HMGN5: variants seen among roughly 807,000 people sequenced by gnomAD.
The protein encoded by HMGN5 is high mobility group nucleosome binding domain 5, also known as high mobility group nucleosome-binding domain-containing protein 5.
A neutral mutation model predicts 9.5 loss-of-function variants in HMGN5; 4 were observed. The observed-to-expected ratio is 0.42, with a 90% CI of 0.21 to 0.96. The LOEUF (loss-of-function observed/expected upper bound fraction) is 0.96, where lower values mean the gene tolerates loss of function less well. Ranked by LOEUF, HMGN5 falls within the 40% of genes least tolerant of loss-of-function variation. HMGN5 has a pLI of 0.30. For missense variants in HMGN5, 192 were observed against 187.5 expected (o/e 1.02, Z -0.14); for synonymous variants, 55 against 57.1 (o/e 0.96, Z 0.16).
chrX:81,166,370 G>A (rs1301485198), intron 1 of HMGN5, among the ~76,000 whole-genome samples: 1 of 111,377 alleles, frequency 9.0e-6, no homozygotes, highest in Non-Finnish European at 1.9e-5. Context: ...TACTACATAT[G>A]TATACTTTCT....
intron 1 of HMGN5, among the ~76,000 whole-genome samples, chrX:81,149,120 A>T (rs1446705589): frequency 2.7e-5 from 3 of 111,666 alleles, no homozygotes; most frequent in African/African-American, 9.8e-5. Flanking sequence ...CAGCAATCTC[A>T]TTACTAGGTA....
At chrX:81,156,748 T>C (rs2075384086) in intron 1 of HMGN5, among the ~76,000 whole-genome samples, 3 of 110,869 alleles carry the variant, frequency 2.7e-5, no homozygotes, top group Non-Finnish European at 5.7e-5. Context: ...TAATTATCTA[T>C]TTAATAACTG....
At chrX:81,139,867 G>A (rs1253991731) in intron 1 of HMGN5, among the ~76,000 whole-genome samples, 1 of 112,140 alleles carries the variant, frequency 8.9e-6, no homozygotes, top group African/African-American at 3.2e-5. Context: ...CCTCATCACG[G>A]AGGGCTCCAG....
chrX:81,183,273 T>C (rs896241708), intron 1 of HMGN5, among the ~76,000 whole-genome samples: 3 of 111,780 alleles, frequency 2.7e-5, no homozygotes, highest in Non-Finnish European at 3.8e-5. Flanking sequence ...CAAGTGCTGA[T>C]AGCCAAGACA....
chrX:81,189,535 C>T (rs755657764), intron 1 of HMGN5, among the ~76,000 whole-genome samples: 1 of 111,851 alleles, frequency 8.9e-6, no homozygotes, highest in Admixed American at 9.5e-5. Flanking sequence ...ATTTAAGTTT[C>T]CTCTATGTAT....
At chrX:81,124,483 T>C (rs994163802) in intron 1 of HMGN5, among the ~76,000 whole-genome samples, 2 of 112,558 alleles carry the variant, frequency 1.8e-5, no homozygotes, top group Non-Finnish European at 3.8e-5. Context: ...TGTTATACTA[T>C]ACAATTTAGA....
At chrX:81,187,814 A>T (rs992352269) in intron 1 of HMGN5, among the ~76,000 whole-genome samples, 7 of 107,550 alleles carry the variant, frequency 6.5e-5, no homozygotes, top group African/African-American at 2.4e-4. Flanking sequence ...ATTAAAGGTG[A>T]TTTTCTTTGA....
intron 1 of HMGN5, among the ~76,000 whole-genome samples, chrX:81,157,811 G>A (rs765280337): frequency 9.1e-6 from 1 of 109,797 alleles, no homozygotes; most frequent in East Asian, 2.9e-4. Context: ...ACGGAGTCTT[G>A]CTCTGTCACC....
chrX:81,175,343 T>TTGTG (rs765266419), intron 1 of HMGN5, among the ~76,000 whole-genome samples: 18,341 of 106,332 alleles, frequency 0.17, 1,556 homozygotes, highest in East Asian at 0.7. Flanking sequence ...ACAATTCTAT[T>TTGTG]TGTGTGTGTG....
At chrX:81,170,825 C>T (rs2147635074) in intron 1 of HMGN5, among the ~76,000 whole-genome samples, 1 of 111,074 alleles carries the variant, frequency 9.0e-6, no homozygotes, top group African/African-American at 3.3e-5. Context: ...TTCCTTTAAA[C>T]TATCTCACTC....
chrX:81,181,298 T>C (rs2075462221), intron 1 of HMGN5, among the ~76,000 whole-genome samples: 1 of 111,668 alleles, frequency 9.0e-6, no homozygotes. Context: ...TTAAATTTTT[T>C]GGTTTTTTAT....
At chrX:81,197,247 G>C (rs1209361828) in intron 1 of HMGN5, among the ~76,000 whole-genome samples, 1 of 112,148 alleles carries the variant, frequency 8.9e-6, no homozygotes, top group African/African-American at 3.2e-5. Flanking sequence ...CAGGAATTCT[G>C]CTTATGTGAG....
At chrX:81,138,377 C>T (rs1369389237) in intron 1 of HMGN5, among the ~76,000 whole-genome samples, 2 of 111,112 alleles carry the variant, frequency 1.8e-5, no homozygotes, top group East Asian at 5.6e-4. Context: ...TATTTATCAA[C>T]AGGTGAAAGA....
chrX:81,186,399 T>C (rs2075477621), intron 1 of HMGN5, among the ~76,000 whole-genome samples: 1 of 112,210 alleles, frequency 8.9e-6, no homozygotes, highest in African/African-American at 3.2e-5. Flanking sequence ...TGGCATATGG[T>C]TGCTTACAGT....
intron 1 of HMGN5, among the ~76,000 whole-genome samples, chrX:81,175,952 G>A (rs376765942): frequency 8.9e-6 from 1 of 112,042 alleles, no homozygotes; most frequent in Admixed American, 9.5e-5. Flanking sequence ...TGAGCTCTGA[G>A]AATGGACAGA....
At chrX:81,190,215 C>A (rs2147651117) in intron 1 of HMGN5, among the ~76,000 whole-genome samples, 1 of 111,890 alleles carries the variant, frequency 8.9e-6, no homozygotes, top group East Asian at 2.8e-4. Context: ...CTTTTGTAAA[C>A]ATTTTCTCCC....
At chrX:81,137,667 A>G (rs2075315154) in intron 1 of HMGN5, among the ~76,000 whole-genome samples, 2 of 111,833 alleles carry the variant, frequency 1.8e-5, no homozygotes, top group South Asian at 7.3e-4. Flanking sequence ...AGACAAACAC[A>G]AAGCATGCAG....
At position 81,116,330 on chromosome X, in the gene HMGN5, T is replaced by C; in HGVS notation, c.141A>G (p.Thr47=). 1.7e-6 allele frequency: 2 copies of C among 1,185,930 alleles called. No individual in the cohort carries two copies. Among genetic ancestry groups the C allele is most frequent in the Non-Finnish European group, 2.3e-6 (2 of 875,479 alleles). Residue 47 remains threonine (T), a synonymous_variant, in exon 6 of 7, where the codon ACA becomes ACG. Coordinates refer to ENST00000358130, the MANE Select transcript of HMGN5 (RefSeq NM_030763.3). ...KRTSSSRKMK[T]KSDMMEENID... is the part of the protein sequence containing the mutation. ...TGTTTTCTTCCATCATATCACTTTTTGTCTTCATTTTCTGCCAAGCAATAT... is the reference window on the plus strand; with the variant it reads ...TGTTTTCTTCCATCATATCACTTTTCGTCTTCATTTTCTGCCAAGCAATAT...
intron 1 of HMGN5, among the ~76,000 whole-genome samples, chrX:81,165,862 A>C (rs752949649): frequency 1.4e-4 from 16 of 111,695 alleles, no homozygotes; most frequent in Non-Finnish European, 3.0e-4. Context: ...TAATGCTCTA[A>C]ATGCTAATGT....
Sources: gnomAD v4.1 joint callset for allele counts (sites outside exome capture counted in the v4.1 genomes callset) on GRCh38, gnomAD v4.1.1 for gene constraint, MANE v1.5 for transcripts, NCBI Gene and HGNC (gene_info 2026-07-23, HGNC 2026-07-21) for gene names.